Variants in FGF1 observed in about 807,000 individuals in gnomAD.
The protein encoded by FGF1 is fibroblast growth factor 1, also known as beta-endothelial cell growth factor.
Under a neutral mutation model 13.4 loss-of-function variants are expected in FGF1, and 9 were observed. The observed-to-expected ratio is 0.67, with a 90% CI of 0.40 to 1.17. The LOEUF (loss-of-function observed/expected upper bound fraction) is 1.17. Ranked by LOEUF, FGF1 falls within the 50% of genes most tolerant of loss-of-function variation. FGF1 has a pLI of 0.01. For synonymous variants in FGF1, 93 were observed against 79.0 expected (o/e 1.18, Z -0.94); for missense variants, 156 against 192.7 (o/e 0.81, Z 1.13).
At chr5:142,658,897 C>CCTGG (rs1768647136) in intron 1 of FGF1, among the ~76,000 whole-genome samples, 3 of 152,066 alleles carry the variant, frequency 2.0e-5, no homozygotes, top group African/African-American at 7.2e-5. Context: ...ACTTGAGTCC[C>CCTGG]CAGTGCCTGG....
intron 1 of FGF1, among the ~76,000 whole-genome samples, chr5:142,620,642 T>C (rs1287872222): frequency 6.6e-6 from 1 of 152,204 alleles, no homozygotes; most frequent in Non-Finnish European, 1.5e-5. Flanking sequence ...TCCGCAATTA[T>C]GGTGGGAGAT....
At chr5:142,645,634 C>T (rs1765897741) in intron 1 of FGF1, among the ~76,000 whole-genome samples, 1 of 152,210 alleles carries the variant, frequency 6.6e-6, no homozygotes, top group South Asian at 2.1e-4. Context: ...ATCCTTATCA[C>T]AATGCCTGGC....
intron 1 of FGF1, among the ~76,000 whole-genome samples, chr5:142,682,570 A>G (rs193258342): frequency 2.4e-4 from 37 of 152,318 alleles, no homozygotes; most frequent in African/African-American, 8.4e-4. Context: ...CACAGGACTA[A>G]TAAGTGGCAG....
At chr5:142,608,631 A>G (rs1758350335) in intron 2 of FGF1, among the ~76,000 whole-genome samples, 1 of 142,168 alleles carries the variant, frequency 7.0e-6, no homozygotes, top group Non-Finnish European at 1.5e-5. Flanking sequence ...AAAAAACCTT[A>G]TCTTAAAAGG....
In FGF1 at chr5:142,608,517, C is replaced by CAT. The variant is rs1758209706; in HGVS notation, c.169+5440_169+5441dup. On this transcript the variant is annotated intron_variant, in intron 2 of 3. Coordinates refer to ENST00000337706, the MANE Select transcript of FGF1 (RefSeq NM_000800.5). ...TAAAAAATATATATATATGCATATA[C>CAT]ATATATATAAATATATATACACATC... Among the ~76,000 whole-genome samples, 4 of 114,112 alleles carry CAT rather than the reference C, an allele frequency of 3.5e-5. No homozygotes were observed. The South Asian group carries it at 1.2e-3, about 33-fold the overall frequency. 74.9% of individuals were successfully genotyped at this position (114,112 alleles called of 152,430 possible). A position where few individuals can be genotyped will look rare whatever the true frequency, so the allele number is the denominator to read the frequency against.
At chr5:142,612,584 A>G (rs1462734244) in intron 2 of FGF1, among the ~76,000 whole-genome samples, 1 of 151,764 alleles carries the variant, frequency 6.6e-6, no homozygotes, top group Non-Finnish European at 1.5e-5. Flanking sequence ...TGCAGTGAAT[A>G]TTGCTTATGT....
At chr5:142,601,521 A>T (rs1448710006) in intron 2 of FGF1, among the ~76,000 whole-genome samples, 1 of 152,112 alleles carries the variant, frequency 6.6e-6, no homozygotes, top group African/African-American at 2.4e-5. Flanking sequence ...TTACCTGGAA[A>T]TGCAGTGATG....
intron 1 of FGF1, among the ~76,000 whole-genome samples, chr5:142,636,247 AG>A (rs936237234): frequency 2.0e-5 from 3 of 152,240 alleles, no homozygotes; most frequent in Non-Finnish European, 4.4e-5. Context: ...CCTGGTGGAA[AG>A]GCCCAGCTTT....
intron 1 of FGF1, among the ~76,000 whole-genome samples, chr5:142,646,065 C>A (rs1431811763): frequency 6.6e-6 from 1 of 152,058 alleles, no homozygotes; most frequent in African/African-American, 2.4e-5. Context: ...CCTGCCACCA[C>A]ACCCGGCTAA....
At chr5:142,622,736 C>T (rs1292838403) in intron 1 of FGF1, among the ~76,000 whole-genome samples, 5 of 152,260 alleles carry the variant, frequency 3.3e-5, no homozygotes, top group South Asian at 2.1e-4. Flanking sequence ...GAAAGTTTGC[C>T]GAAGAAAGGG....
intron 1 of FGF1, among the ~76,000 whole-genome samples, chr5:142,627,805 T>C (rs1762711808): frequency 6.6e-6 from 1 of 152,240 alleles, no homozygotes; most frequent in African/African-American, 2.4e-5. Context: ...AAAACTTGTT[T>C]CTTTTTGCAT....
chr5:142,654,937 G>A (rs1232672957), intron 1 of FGF1, among the ~76,000 whole-genome samples: 1 of 152,248 alleles, frequency 6.6e-6, no homozygotes, highest in South Asian at 2.1e-4. Context: ...TGAAGATAGA[G>A]CCAGGTAACC....
chr5:142,627,945 C>T (rs1344537060), intron 1 of FGF1, among the ~76,000 whole-genome samples: 1 of 152,188 alleles, frequency 6.6e-6, no homozygotes. Flanking sequence ...TTCAGCACCA[C>T]CGATGGCTCT....
intron 1 of FGF1, among the ~76,000 whole-genome samples, chr5:142,684,329 T>C (rs1014130648): frequency 6.6e-6 from 1 of 152,228 alleles, no homozygotes; most frequent in Admixed American, 6.5e-5. Flanking sequence ...TAACCAGATA[T>C]GGCTTCCTTG....
intron 1 of FGF1, among the ~76,000 whole-genome samples, chr5:142,634,704 C>G (rs1163004866): frequency 1.3e-5 from 2 of 152,164 alleles, no homozygotes; most frequent in Non-Finnish European, 2.9e-5. Context: ...GTCTTTCATC[C>G]TTTGGGAGTT....
At chr5:142,640,641 C>G (rs748617631) in intron 1 of FGF1, among the ~76,000 whole-genome samples, 179 of 152,122 alleles carry the variant, frequency 1.2e-3, no homozygotes, top group Non-Finnish European at 2.1e-3. Context: ...AAATAATCCA[C>G]CAATTGAGGG....
intron 1 of FGF1, chr5:142,697,793 C>G (rs913067627): frequency 6.6e-6 from 1 of 151,904 alleles, no homozygotes; most frequent in African/African-American, 2.4e-5. Context: ...CCTGATTCCC[C>G]TGGAGCGAAG....
At chr5:142,635,135 C>A (rs368864138) in intron 1 of FGF1, among the ~76,000 whole-genome samples, 1 of 152,194 alleles carries the variant, frequency 6.6e-6, no homozygotes, top group Non-Finnish European at 1.5e-5. Flanking sequence ...GGAGACCTGG[C>A]TCCCCCTGTG....
chr5:142,594,230 T>C lies in FGF1; in HGVS notation c.*1060A>G, dbSNP rs142078774. ...ATGTATGGCGGGTAAGGCAGCAGTA[T>C]TGTCAGCACCTGCACCTGGGGGGGA... On this transcript the variant is annotated 3_prime_UTR_variant, in exon 4 of 4. Coordinates refer to ENST00000337706, the MANE Select transcript of FGF1 (RefSeq NM_000800.5). The C allele has an allele frequency of 6.6e-5, 10 of 152,304 alleles. No homozygotes were observed. The highest frequency in any genetic ancestry group is 1.7e-4 in the African/African-American group (7 of 41,542). 9.4% of individuals were successfully genotyped at this position (152,304 alleles called of 1,614,324 possible). A position where few individuals can be genotyped will look rare whatever the true frequency, so the allele number is the denominator to read the frequency against.
Sources: allele counts gnomAD v4.1 joint callset (sites outside exome capture counted in the v4.1 genomes callset), GRCh38; gene constraint gnomAD v4.1.1; transcripts MANE v1.5; gene names NCBI Gene and HGNC (gene_info 2026-07-23, HGNC 2026-07-21).